TECTA: variants seen among roughly 807,000 people sequenced by gnomAD.
TECTA encodes tectorin alpha, also known as alpha-tectorin.
In TECTA, 128 loss-of-function variants were observed where a neutral mutation model predicts 216.8. That is an observed-to-expected ratio of 0.59 (90% CI 0.51 to 0.68). TECTA has a LOEUF of 0.68. Among genes scored for constraint, TECTA ranks in the 30% least tolerant of loss-of-function variants. TECTA has a pLI of 0.00. For synonymous variants in TECTA, 1,089 were observed against 1,117.1 expected (o/e 0.97, Z 0.50); for missense variants, 2,551 against 2,786.2 (o/e 0.92, Z 1.90).
intron 12 of TECTA, among the ~76,000 whole-genome samples, chr11:121,150,618 T>C (rs1432614710): frequency 6.6e-6 from 1 of 150,862 alleles, no homozygotes; most frequent in African/African-American, 2.4e-5. Flanking sequence ...GTAACACATA[T>C]GACATACCAC....
chr11:121,140,574 C>T (rs1336366417), intron 11 of TECTA, among the ~76,000 whole-genome samples: 1 of 152,206 alleles, frequency 6.6e-6, no homozygotes, highest in East Asian at 1.9e-4. Context: ...GAAACTCGTT[C>T]TCTCACAGTT....
chr11:121,185,280 A>G (rs34973152), intron 20 of TECTA, among the ~76,000 whole-genome samples: 74 of 152,120 alleles, frequency 4.9e-4, no homozygotes, highest in African/African-American at 1.5e-3. Flanking sequence ...CAGATGTTCA[A>G]TGCTTAATGA....
intron 20 of TECTA, among the ~76,000 whole-genome samples, 172 bp downstream of exon 20, chr11:121,169,097 G>A (rs1052715953): frequency 2.6e-5 from 4 of 152,108 alleles, no homozygotes; most frequent in African/African-American, 7.2e-5. Flanking sequence ...AGATATTATA[G>A]GCCTCATTTT....
In TECTA at chr11:121,128,042, A is replaced by G; in HGVS notation, c.2065A>G (p.Thr689Ala). The G allele has an allele frequency of 6.2e-7, 1 of 1,612,766 alleles. No homozygotes were observed. The highest frequency in any genetic ancestry group is 8.5e-7 in the Non-Finnish European group (1 of 1,179,452). ...EGGDVYCFNK[T>A]CGSGEVCAVE... ...CGGGGACGTCTACTGCTTCAACAAG[A>G]CCTGCGGCAGCGGGGAGGTGTGCGC... Residue 689 changes from threonine (T) to alanine (A), a missense_variant, in exon 9 of 24, where the codon ACC (threonine) becomes GCC (alanine). By Grantham distance (58) the Thr-to-Ala change is moderately conservative. Around this residue, in one of 3 missense-constraint regions of TECTA, gnomAD observed 2,375 missense variants for 2,563.9 expected, o/e 0.93. Coordinates refer to ENST00000392793, the MANE Select transcript of TECTA (RefSeq NM_005422.4).
In TECTA at chr11:121,152,981, C is replaced by T. The variant is rs371771729; in HGVS notation, c.4206C>T (p.Cys1402=). Residue 1402 remains cysteine, a synonymous_variant, in exon 13 of 24, where the codon TGC becomes TGT. Transcript: ENST00000392793. ...IRLKSDCSHY[C]VEGCHCDAGY... is the part of the protein sequence containing the mutation. The stretch of plus-strand genomic sequence containing the variant: ...TGAAGAGTGACTGCAGCCACTACTG[C>T]GTGGAGGGCTGTCACTGCGACGCTG... 4.3e-6 allele frequency: 7 copies of T among 1,614,064 alleles called. No homozygotes were observed. Among genetic ancestry groups the T allele is most frequent in the Non-Finnish European group, 5.9e-6 (7 of 1,180,044 alleles).
chr11:121,134,030 G>A (rs1433852050), intron 10 of TECTA, among the ~76,000 whole-genome samples: 2 of 151,920 alleles, frequency 1.3e-5, no homozygotes, highest in East Asian at 3.9e-4. Context: ...ATTATTTTTG[G>A]TGTTAAAATT....
At chr11:121,164,822 C>T (rs1390075598) in intron 16 of TECTA, among the ~76,000 whole-genome samples, 1 of 152,144 alleles carries the variant, frequency 6.6e-6, no homozygotes, top group Non-Finnish European at 1.5e-5. Context: ...TTATTGTGCA[C>T]AAACCATGAG....
chr11:121,184,033 C>T (rs1344904148), intron 20 of TECTA, among the ~76,000 whole-genome samples: 1 of 152,162 alleles, frequency 6.6e-6, no homozygotes, highest in Admixed American at 6.5e-5. Context: ...AAGTGATCCT[C>T]CCATCTTCGC....
chr11:121,165,175 A>C, intron 16 of TECTA, 98 bp from the exon 17 acceptor site: 1 of 1,155,568 alleles, frequency 8.7e-7, no homozygotes, highest in Non-Finnish European at 1.3e-6. Context: ...GACCATTTCC[A>C]ATGTGATTAA....
At position 121,189,888 on chromosome 11, in the gene TECTA, C is replaced by G. The variant is rs765151559; in HGVS notation, c.6367+8C>G. ...ACGGCAAGAGCTGCAGAGGTAGACACTCTTCTACCCTGGGGCAGGCAGCTG... is the reference window on the plus strand; with the variant it reads ...ACGGCAAGAGCTGCAGAGGTAGACAGTCTTCTACCCTGGGGCAGGCAGCTG... On this transcript the variant is annotated splice_region_variant and intron_variant, in intron 23 of 23. Coordinates refer to ENST00000392793, the MANE Select transcript of TECTA (RefSeq NM_005422.4). The G allele has an allele frequency of 3.7e-6, 6 of 1,603,812 alleles. No homozygotes were observed. The Admixed American group carries it at 8.3e-5, about 22-fold the overall frequency.
intron 4 of TECTA, chr11:121,110,161 GC>G (rs747033980): frequency 6.5e-6 from 1 of 154,398 alleles, no homozygotes; most frequent in East Asian, 1.9e-4. Flanking sequence ...TGCCATTATT[GC>G]AGAGATAATC....
chr11:121,174,772 G>T (rs1177619540), intron 20 of TECTA, among the ~76,000 whole-genome samples: 2 of 152,136 alleles, frequency 1.3e-5, no homozygotes, highest in Non-Finnish European at 2.9e-5. Flanking sequence ...AATGGTACCA[G>T]TTCCTCCTTG....
intron 11 of TECTA, among the ~76,000 whole-genome samples, chr11:121,139,172 C>T (rs1431995108): frequency 1.3e-5 from 2 of 152,346 alleles, no homozygotes; most frequent in African/African-American, 2.4e-5. Flanking sequence ...TGCTTGCACA[C>T]CACAAACCTA....
chr11:121,120,306 A>C (rs1345508773), intron 7 of TECTA, among the ~76,000 whole-genome samples: 3 of 152,192 alleles, frequency 2.0e-5, no homozygotes, highest in Non-Finnish European at 4.4e-5. Context: ...GTGAATGTAA[A>C]TGTTTCAGAA....
intron 7 of TECTA, among the ~76,000 whole-genome samples, chr11:121,122,669 C>A (rs1438508755): frequency 1.1e-5 from 1 of 91,660 alleles, no homozygotes; most frequent in Non-Finnish European, 2.1e-5. Flanking sequence ...AAGCCTGTCT[C>A]TCCAAAAAAA....
intron 10 of TECTA, 137 bp from the exon 11 acceptor site, chr11:121,137,284 A>T: frequency 8.6e-7 from 1 of 1,165,388 alleles, no homozygotes; most frequent in South Asian, 1.3e-5. Context: ...AAATGCATGC[A>T]TACACAAATG....
chr11:121,148,507 C>A (rs1946861223), intron 12 of TECTA, among the ~76,000 whole-genome samples: 1 of 152,204 alleles, frequency 6.6e-6, no homozygotes, highest in Admixed American at 6.5e-5. Flanking sequence ...CAGAGAAAAG[C>A]TTCAGGAGAC....
chr11:121,179,624 T>C (rs1364744623), intron 20 of TECTA, among the ~76,000 whole-genome samples: 2 of 152,160 alleles, frequency 1.3e-5, no homozygotes, highest in Non-Finnish European at 2.9e-5. Context: ...GGTGTTAAAT[T>C]CCCCAATTTT....
At position 121,140,457 on chromosome 11, in the gene TECTA, C is replaced by A. The variant is rs143041049; in HGVS notation, c.3543+2435C>A. Among the ~76,000 whole-genome samples, 1,280 of 152,316 alleles carry A rather than the reference C, an allele frequency of 8.4e-3. 11 individuals are homozygous for A. Among genetic ancestry groups the A allele is most frequent in the Middle Eastern group, 0.048 (14 of 294 alleles). ...TGCTGAAGTCCCAAGCCTGGAGAAC[C>A]ACACAGCTGACTTCTTCCTCACAGA... On this transcript the variant is annotated intron_variant, in intron 11 of 23. Transcript: ENST00000392793.
Sources: allele counts gnomAD v4.1 joint callset (sites outside exome capture counted in the v4.1 genomes callset), GRCh38; gene constraint gnomAD v4.1.1; regional missense constraint gnomAD v4.1.1; transcripts MANE v1.5; gene names NCBI Gene and HGNC (gene_info 2026-07-23, HGNC 2026-07-21).